Variants in MED8 observed in about 807,000 individuals in gnomAD.
MED8 encodes the protein mediator of RNA polymerase II transcription subunit 8.
MED8 carries 22 observed loss-of-function variants against 34.8 expected under a neutral mutation model. That is an observed-to-expected ratio of 0.63 (90% confidence interval 0.45 to 0.90). MED8 has a LOEUF of 0.90. Among genes scored for constraint, MED8 ranks in the 40% least tolerant of loss-of-function variants. The pLI is 0.00. For missense variants in MED8, 260 were observed against 326.3 expected, an observed-to-expected ratio of 0.80 and a Z score of 1.57; for synonymous variants, 105 against 120.2, an observed-to-expected ratio of 0.87 and a Z score of 0.83.
intron 6 of MED8, 103 bp from the exon 7 acceptor site, chr1:43,385,209 C>T: frequency 6.9e-7 from 1 of 1,442,586 alleles, no homozygotes; most frequent in Non-Finnish European, 9.3e-7. Context: ...TTTATCATCT[C>T]AGAACCTCTG....
Position 43,387,598 on chromosome 1 carries a change from G to A in MED8, c.175C>T (p.Leu59=). The part of the protein sequence containing the change: ...FALLSGQLNT[L]NKVLKHEKTP... ...TTTTCATGCTTCAAGACCTTGTTCA[G>A]AGTGTTCAGCTGTCCAGAAAGCAAG... is the stretch of plus-strand genomic sequence containing the variant. Residue 59 remains leucine (L), a synonymous_variant, in exon 3 of 7, where the codon CTG becomes TTG. Transcript: ENST00000372457. 2 of 1,613,992 alleles carry A rather than the reference G, an allele frequency of 1.2e-6. No homozygotes were observed. Among genetic ancestry groups the A allele is most frequent in the Non-Finnish European group, 1.7e-6 (2 of 1,179,898 alleles).
chr1:43,384,603 C>A lies in MED8; in HGVS notation c.*439G>T. 6.5e-7 allele frequency: 1 copy of A among 1,545,664 alleles called. No homozygotes were observed. The highest frequency in any genetic ancestry group is 8.7e-7 in the Non-Finnish European group (1 of 1,149,052). On this transcript the variant is annotated 3_prime_UTR_variant, in exon 7 of 7. Transcript: ENST00000372457. Reference sequence around the variant, plus strand: ...ACACAGAGGTTGCTACAGTTTCTGGCAGCACAAAATAAGCATAGCCTTATT... The same window carrying A: ...ACACAGAGGTTGCTACAGTTTCTGGAAGCACAAAATAAGCATAGCCTTATT...
At position 43,386,232 on chromosome 1, in the gene MED8, GA is replaced by G; in HGVS notation, c.494-7del. ...CTGCTTGTTCGGCCGGAGACCTGAA[GA>G]AAAAGTAATGGGGATCCTGAAGTAT... On this transcript the variant is annotated splice_region_variant and splice_polypyrimidine_tract_variant and intron_variant, in intron 5 of 6. Transcript: ENST00000372457. This position sits in a 1 kb window ranked among gnomAD's most constrained non-coding sequence, Gnocchi z 4.9. 13 of 1,610,754 alleles carry G rather than the reference GA, an allele frequency of 8.1e-6. No homozygotes were observed. The highest frequency in any genetic ancestry group is 1.1e-5 in the Non-Finnish European group (13 of 1,178,968).
chr1:43,384,437 G>C lies in MED8; in HGVS notation c.*605C>G. On this transcript the variant is annotated 3_prime_UTR_variant, in exon 7 of 7. Coordinates refer to ENST00000372457, the MANE Select transcript of MED8 (RefSeq NM_201542.5). ...GGCTCCTTAGAGGATGGAAAGGAGAGCAGGCCCAAGCTTCACCAGAGCTGC... is the reference window on the plus strand; with the variant it reads ...GGCTCCTTAGAGGATGGAAAGGAGACCAGGCCCAAGCTTCACCAGAGCTGC... 6.3e-7 allele frequency: 1 copy of C among 1,582,552 alleles called. No individual in the cohort carries two copies. Among genetic ancestry groups the C allele is most frequent in the Non-Finnish European group, 8.6e-7 (1 of 1,164,666 alleles).
rs138723797 is a variant in MED8 at position 43,384,512 on chromosome 1, G to A, written c.*530C>T. On this transcript the variant is annotated 3_prime_UTR_variant, in exon 7 of 7. Coordinates refer to ENST00000372457, the MANE Select transcript of MED8 (RefSeq NM_201542.5). Reference sequence around the variant, plus strand: ...TGGCCCAGAAGCTTCTTCACCTTGCGCCTTAGAGGGATAGCCAGAATGAAA... The same window carrying A: ...TGGCCCAGAAGCTTCTTCACCTTGCACCTTAGAGGGATAGCCAGAATGAAA... 72 of 1,611,846 alleles carry A rather than the reference G, an allele frequency of 4.5e-5. No individual in the cohort carries two copies. The highest frequency in any genetic ancestry group is 1.0e-4 in the South Asian group (9 of 90,436).
Position 43,386,409 on chromosome 1 carries a change from T to C in MED8, c.493+180A>G. 2.9e-6 allele frequency: 3 copies of C among 1,050,000 alleles called. No individual in the cohort carries two copies. Among genetic ancestry groups the C allele is most frequent in the Non-Finnish European group, 4.1e-6 (3 of 738,888 alleles). The allele number at this position is 1,050,000 out of a possible 1,614,324, so 65.0% of individuals were successfully genotyped here. ...CTATCTCAGAATTCTCTCTTCTTAC[T>C]TTGCCCATTTCCTCCACTGCTTCAG... On this transcript the variant is annotated intron_variant, in intron 5 of 6. Transcript: ENST00000372457. The surrounding 1 kb of genome is among the most constrained non-coding windows in gnomAD (Gnocchi z 4.9).
At position 43,384,687 on chromosome 1, in the gene MED8, C is replaced by A. The variant is rs1647664613; in HGVS notation, c.*355G>T. The A allele has an allele frequency of 1.8e-5, 26 of 1,455,896 alleles. No homozygotes were observed. The South Asian group carries it at 2.7e-4, about 15-fold the overall frequency. 90.2% of individuals were successfully genotyped at this position (1,455,896 alleles called of 1,614,324 possible). The stretch of plus-strand genomic sequence containing the variant: ...AGGCAGTATCAGATTAGGGTAAGTT[C>A]TGGATCAAGGACTGTGGAGGGTGGT... On this transcript the variant is annotated 3_prime_UTR_variant, in exon 7 of 7. Transcript: ENST00000372457.
In MED8 at chr1:43,386,222, GAGACCTGA is replaced by G; in HGVS notation, c.494-4_497del. ...GGTTAAAGGTCTGCTTGTTCGGCCG[GAGACCTGA>G]AGAAAAAGTAATGGGGATCCTGAAG... On this transcript the variant is annotated splice_acceptor_variant and splice_polypyrimidine_tract_variant and coding_sequence_variant and intron_variant, in exon 6 of 7. Coordinates refer to ENST00000372457, the MANE Select transcript of MED8 (RefSeq NM_201542.5). LOFTEE classifies it high-confidence loss of function. The surrounding 1 kb of genome is among the most constrained non-coding windows in gnomAD (Gnocchi z 4.9). The G allele has an allele frequency of 6.2e-7, 1 of 1,612,156 alleles. No homozygotes were observed. The highest frequency in any genetic ancestry group is 8.5e-7 in the Non-Finnish European group (1 of 1,179,330).
intron 1 of MED8, chr1:43,388,769 CAT>C (rs1647892146): frequency 4.5e-6 from 1 of 223,998 alleles, no homozygotes; most frequent in South Asian, 7.0e-5. Context: ...ATCATTCTCT[CAT>C]GTGCACCTCT....
chr1:43,386,498 G>A lies in MED8; in HGVS notation c.493+91C>T. On this transcript the variant is annotated intron_variant, in intron 5 of 6. Transcript: ENST00000372457. The surrounding 1 kb of genome is among the most constrained non-coding windows in gnomAD (Gnocchi z 4.9). ...AAACCCCAAAGCAGTTCACCCTTGT[G>A]TCCTAACTTCACTACTTCCAAAACA... 7.2e-7 allele frequency: 1 copy of A among 1,389,998 alleles called. No homozygotes were observed. Among genetic ancestry groups the A allele is most frequent in the Non-Finnish European group, 1.0e-6 (1 of 1,002,926 alleles). 86.1% of individuals were successfully genotyped at this position (1,389,998 alleles called of 1,614,324 possible).
chr1:43,386,330 A>T lies in MED8; in HGVS notation c.494-104T>A. 1 of 1,394,028 alleles carries T rather than the reference A, an allele frequency of 7.2e-7. No homozygotes were observed. Among genetic ancestry groups the T allele is most frequent in the Non-Finnish European group, 9.6e-7 (1 of 1,040,138 alleles). The allele number at this position is 1,394,028 out of a possible 1,614,324, so 86.4% of individuals were successfully genotyped here. On this transcript the variant is annotated intron_variant, in intron 5 of 6. Coordinates refer to ENST00000372457, the MANE Select transcript of MED8 (RefSeq NM_201542.5). This position sits in a 1 kb window ranked among gnomAD's most constrained non-coding sequence, Gnocchi z 4.9. ...TGCCAGGGTTTGGAGTTCTGAATTC[A>T]GCAACATCTAGACTCCCTCACAGCC... is the stretch of plus-strand genomic sequence containing the variant.
chr1:43,385,073 T>C lies in MED8; in HGVS notation c.776A>G (p.Lys259Arg), dbSNP rs2153925531. 1 of 1,556,900 alleles carries C rather than the reference T, an allele frequency of 6.4e-7. No individual in the cohort carries two copies. Residue 259 changes from lysine (K) to arginine (R), a missense_variant, in exon 7 of 7, where the codon AAG becomes AGG. Lys to Arg is a conservative substitution (Grantham distance 26). Coordinates refer to ENST00000372457, the MANE Select transcript of MED8 (RefSeq NM_201542.5). The stretch of plus-strand genomic sequence containing the variant: ...CTGGTAGGGATGCATGGAAGCCGAC[T>C]TGATGTTGGTTTTTATTCCACTTGG... ...KMPSGIKTNI[K>R]SASMHPYQR
chr1:43,386,845 G>T lies in MED8; in HGVS notation c.411+13C>A. On this transcript the variant is annotated intron_variant, in intron 4 of 6. Transcript: ENST00000372457. The surrounding 1 kb of genome is among the most constrained non-coding windows in gnomAD (Gnocchi z 4.9). ...GATGGGGATGGGGCAGCAAGGCAGT[G>T]ACTCAGTCCAACCTGGGCTGCATCT... 1.2e-6 allele frequency: 2 copies of T among 1,613,794 alleles called. No homozygotes were observed. Among genetic ancestry groups the T allele is most frequent in the South Asian group, 2.2e-5 (2 of 91,032 alleles).
intron 1 of MED8, chr1:43,389,073 C>G (rs959374689): frequency 6.6e-6 from 1 of 152,458 alleles, no homozygotes; most frequent in Non-Finnish European, 1.5e-5. Flanking sequence ...CTGCAAGAAA[C>G]TAAGTGACAA....
Position 43,387,632 on chromosome 1 carries a change from G to A in MED8, c.141C>T (p.Asp47=). ...YGRLTWPSVL[D]SFALLSGQLN... ...GCTGTCCAGAAAGCAAGGCAAAGCTGTCCAGGACAGATGGCCTGGTGGTGG... is the reference window on the plus strand; with the variant it reads ...GCTGTCCAGAAAGCAAGGCAAAGCTATCCAGGACAGATGGCCTGGTGGTGG... The change falls in exon 3 of 7, where the codon GAC becomes GAT. Residue 47 remains aspartate, a synonymous_variant. Coordinates refer to ENST00000372457, the MANE Select transcript of MED8 (RefSeq NM_201542.5). 1 of 1,613,978 alleles carries A rather than the reference G, an allele frequency of 6.2e-7. No individual in the cohort carries two copies. Among genetic ancestry groups the A allele is most frequent in the East Asian group, 2.2e-5 (1 of 44,884 alleles).
At chr1:43,387,462 AC>A (rs777332018) in intron 3 of MED8, 40 bp downstream of exon 3, 2 of 1,603,650 alleles carry the variant, frequency 1.2e-6, no homozygotes, top group South Asian at 2.2e-5. Flanking sequence ...AGCCTAAAAA[AC>A]CCCTTAATTT....
At chr1:43,387,420 G>C in intron 3 of MED8, 83 bp downstream of exon 3, 1 of 1,511,774 alleles carries the variant, frequency 6.6e-7, no homozygotes, top group East Asian at 2.4e-5. Flanking sequence ...TAGGCTCTCA[G>C]CTAATAACTT....
At position 43,385,187 on chromosome 1, in the gene MED8, T is replaced by C; in HGVS notation, c.743-81A>G. The C allele has an allele frequency of 2.6e-6, 4 of 1,511,440 alleles. No individual in the cohort carries two copies. In the South Asian group the frequency reaches 5.0e-5, roughly 19 times the overall value. 93.6% of individuals were successfully genotyped at this position (1,511,440 alleles called of 1,614,324 possible). A position where few individuals can be genotyped will look rare whatever the true frequency, so the allele number is the denominator to read the frequency against. ...CAGAAATGTGGTACCTCAGGTTCCCTCTGTCACTTCCTTTATCATCTCAGA... is the reference window on the plus strand; with the variant it reads ...CAGAAATGTGGTACCTCAGGTTCCCCCTGTCACTTCCTTTATCATCTCAGA... On this transcript the variant is annotated intron_variant, in intron 6 of 6. Coordinates refer to ENST00000372457, the MANE Select transcript of MED8 (RefSeq NM_201542.5).
In MED8 at chr1:43,384,932, G is replaced by A; in HGVS notation, c.*110C>T. The A allele has an allele frequency of 6.9e-7, 1 of 1,456,668 alleles. No individual in the cohort carries two copies. The highest frequency in any genetic ancestry group is 2.9e-5 in the Admixed American group (1 of 34,314). The allele number at this position is 1,456,668 out of a possible 1,614,324, so 90.2% of individuals were successfully genotyped here. On this transcript the variant is annotated 3_prime_UTR_variant, in exon 7 of 7. Coordinates refer to ENST00000372457, the MANE Select transcript of MED8 (RefSeq NM_201542.5). ...GTGGAAGTGGGATTTGTCTGCTGCT[G>A]AAAGCCCATGTTCTTTTTATTGTAC...
Sources: gnomAD v4.1 joint callset for allele counts on GRCh38, gnomAD v4.1.1 for gene constraint, Gnocchi (gnomAD v3.1) non-coding constraint, MANE v1.5 for transcripts, NCBI Gene and HGNC (gene_info 2026-07-23, HGNC 2026-07-21) for gene names.